LIN28B: variants seen among roughly 807,000 people sequenced by gnomAD.
The protein encoded by LIN28B is protein lin-28 homolog B.
In LIN28B, 5 loss-of-function variants were observed where a neutral mutation model predicts 21.9. That is an observed-to-expected ratio of 0.23 (90% confidence interval 0.12 to 0.48). The LOEUF (loss-of-function observed/expected upper bound fraction) is 0.48, where lower values mean the gene tolerates loss of function less well. Among genes scored for constraint, LIN28B ranks in the 20% least tolerant of loss-of-function variants. LIN28B has a pLI of 0.98. For missense variants in LIN28B, 245 were observed against 310.5 expected (o/e 0.79, Z 1.58); for synonymous variants, 109 against 111.3 (o/e 0.98, Z 0.13).
chr6:105,011,080 G>A (rs1481850586), intron 2 of LIN28B, among the ~76,000 whole-genome samples: 5 of 152,150 alleles, frequency 3.3e-5, no homozygotes, highest in Non-Finnish European at 7.3e-5. Flanking sequence ...TTGTTCCAGA[G>A]TATCTTTTCA....
intron 2 of LIN28B, among the ~76,000 whole-genome samples, chr6:104,963,833 T>C (rs554879643): frequency 1.3e-5 from 2 of 152,242 alleles, no homozygotes; most frequent in Non-Finnish European, 2.9e-5. Flanking sequence ...TAAAAGACTA[T>C]TCACAACAAA....
At chr6:105,051,776 G>C (rs2114386360) in intron 3 of LIN28B, among the ~76,000 whole-genome samples, 1 of 152,218 alleles carries the variant, frequency 6.6e-6, no homozygotes, top group East Asian at 1.9e-4. Context: ...TTGAGTACCT[G>C]CCATGGACCA....
At chr6:105,011,470 G>A (rs749453518) in intron 2 of LIN28B, among the ~76,000 whole-genome samples, 1 of 152,208 alleles carries the variant, frequency 6.6e-6, no homozygotes, top group African/African-American at 2.4e-5. Flanking sequence ...GAGTATAGGC[G>A]TGAGCCACTG....
chr6:105,072,820 C>G (rs1182071882), intron 3 of LIN28B, among the ~76,000 whole-genome samples: 3 of 152,152 alleles, frequency 2.0e-5, no homozygotes, highest in Admixed American at 1.3e-4. Context: ...GGTCAGAAGA[C>G]ATGTACACTA....
chr6:104,961,444 G>C (rs1022981974), intron 2 of LIN28B, among the ~76,000 whole-genome samples: 1 of 151,616 alleles, frequency 6.6e-6, no homozygotes, highest in Non-Finnish European at 1.5e-5. Context: ...ACTGTCACCC[G>C]GGCTGGAGTG....
intron 2 of LIN28B, among the ~76,000 whole-genome samples, chr6:104,937,666 G>A (rs1327025031): frequency 6.6e-6 from 1 of 152,138 alleles, no homozygotes; most frequent in Non-Finnish European, 1.5e-5. Flanking sequence ...GTAAAATGAC[G>A]TGATGCCTGG....
chr6:105,050,562 A>G (rs1771878295), intron 3 of LIN28B, among the ~76,000 whole-genome samples: 1 of 133,440 alleles, frequency 7.5e-6, no homozygotes, highest in Non-Finnish European at 1.6e-5. Context: ...AGATTGCGCC[A>G]CTGCAGTCCG....
chr6:104,980,388 G>C (rs372575892), intron 2 of LIN28B, among the ~76,000 whole-genome samples: 38 of 152,278 alleles, frequency 2.5e-4, no homozygotes, highest in African/African-American at 8.9e-4. Context: ...TAGCAAAAAT[G>C]ATGCAGGTGT....
At chr6:105,053,369 A>G (rs1288571448) in intron 3 of LIN28B, among the ~76,000 whole-genome samples, 1 of 146,572 alleles carries the variant, frequency 6.8e-6, no homozygotes, top group Non-Finnish European at 1.5e-5. Flanking sequence ...TGTAGCCCAA[A>G]TCTATGTCTT....
intron 2 of LIN28B, among the ~76,000 whole-genome samples, chr6:104,944,943 G>A (rs1179639800): frequency 6.6e-6 from 1 of 152,068 alleles, no homozygotes; most frequent in Non-Finnish European, 1.5e-5. Flanking sequence ...TGAATGGCCA[G>A]TTCTAATGGT....
At chr6:105,055,523 G>A (rs1772004020) in intron 3 of LIN28B, among the ~76,000 whole-genome samples, 2 of 152,128 alleles carry the variant, frequency 1.3e-5, no homozygotes, top group South Asian at 4.2e-4. Flanking sequence ...TCAAAGCACA[G>A]CAGCAGGCTT....
chr6:104,957,018 C>A (rs781013216), upstream of LIN28B: 25 of 1,324,894 alleles, frequency 1.9e-5, no homozygotes, highest in Non-Finnish European at 2.4e-5. Flanking sequence ...CTTAAGGATA[C>A]GAGGTGAAAT....
At chr6:105,059,638 A>C (rs1772088121) in intron 3 of LIN28B, among the ~76,000 whole-genome samples, 1 of 152,216 alleles carries the variant, frequency 6.6e-6, no homozygotes, top group Non-Finnish European at 1.5e-5. Context: ...AGTTTTGCCC[A>C]AAAGATGAAG....
At chr6:104,948,298 C>G (rs1441109765) in intron 2 of LIN28B, among the ~76,000 whole-genome samples, 1 of 152,084 alleles carries the variant, frequency 6.6e-6, no homozygotes, top group Non-Finnish European at 1.5e-5. Context: ...GAAACCCCAT[C>G]TCTACTAAAA....
chr6:105,077,704 C>A (rs1028353777), intron 3 of LIN28B, among the ~76,000 whole-genome samples: 5 of 152,170 alleles, frequency 3.3e-5, no homozygotes, highest in African/African-American at 1.2e-4. Flanking sequence ...TTTATTAATT[C>A]AATCTAAGTA....
intron 3 of LIN28B, chr6:105,058,151 T>C (rs914485329): frequency 9.1e-6 from 3 of 328,066 alleles, no homozygotes; most frequent in Non-Finnish European, 1.8e-5. Flanking sequence ...TAGAGGTACT[T>C]GTACCAACTG....
chr6:104,964,692 G>A (rs549023756), intron 2 of LIN28B, among the ~76,000 whole-genome samples: 85 of 152,236 alleles, frequency 5.6e-4, no homozygotes, highest in African/African-American at 1.9e-3. Context: ...TACATTGCAG[G>A]TCAGTGGGGT....
intron 2 of LIN28B, among the ~76,000 whole-genome samples, chr6:104,945,663 C>T (rs756690374): frequency 6.6e-6 from 1 of 151,968 alleles, no homozygotes; most frequent in East Asian, 1.9e-4. Flanking sequence ...TTTTCTTCAA[C>T]GTGATCTAAC....
chr6:104,948,448 C>T (rs2114549859), intron 2 of LIN28B, among the ~76,000 whole-genome samples: 1 of 152,170 alleles, frequency 6.6e-6, no homozygotes, highest in Admixed American at 6.5e-5. Flanking sequence ...GCCTGGGCAA[C>T]AAGAGCAAAA....
Sources: gnomAD v4.1 joint callset for allele counts (sites outside exome capture counted in the v4.1 genomes callset) on GRCh38, gnomAD v4.1.1 for gene constraint, MANE v1.5 for transcripts, NCBI Gene and HGNC (gene_info 2026-07-23, HGNC 2026-07-21) for gene names.